GMDS: variants seen among roughly 807,000 people sequenced by gnomAD.
The protein encoded by GMDS is GDP-mannose 4,6-dehydratase.
In GMDS, 20 loss-of-function variants were observed where a neutral mutation model predicts 49.9. The ratio of observed to expected loss-of-function variants is 0.40; its 90% CI spans 0.28 to 0.58. GMDS has a LOEUF of 0.58. GMDS is among the 20% of genes least tolerant of loss of function. The probability of loss-of-function intolerance (pLI) is 0.42; values close to 1 mark genes in which losing one functional copy is unlikely to be tolerated. For missense variants in GMDS, 362 were observed against 481.4 expected (o/e 0.75, Z 2.32); for synonymous variants, 177 against 178.6 (o/e 0.99, Z 0.07).
intron 9 of GMDS, among the ~76,000 whole-genome samples, chr6:1,662,136 C>T (rs1013144212): frequency 5.3e-5 from 8 of 152,274 alleles, no homozygotes; most frequent in Middle Eastern, 6.8e-3. Context: ...TTCTCGGTGC[C>T]TTCTGTGTTC....
chr6:2,104,230 G>C (rs1465968120), intron 4 of GMDS, among the ~76,000 whole-genome samples: 2 of 152,182 alleles, frequency 1.3e-5, no homozygotes, highest in African/African-American at 4.8e-5. Context: ...TCATCTTACA[G>C]GAGTGGATGA....
intron 9 of GMDS, among the ~76,000 whole-genome samples, chr6:1,725,494 C>T (rs760944035): frequency 2.0e-5 from 3 of 151,898 alleles, no homozygotes; most frequent in Non-Finnish European, 4.4e-5. Flanking sequence ...TGCAATGGCG[C>T]GCGATCTCGG....
At chr6:1,944,508 A>AT (rs1185667657) in intron 6 of GMDS, among the ~76,000 whole-genome samples, 14 of 150,766 alleles carry the variant, frequency 9.3e-5, no homozygotes, top group East Asian at 5.9e-4. Context: ...GCGTCTAAAA[A>AT]AATATATATA....
intron 4 of GMDS, among the ~76,000 whole-genome samples, chr6:2,032,357 T>G (rs1316205437): frequency 6.6e-6 from 1 of 152,188 alleles, no homozygotes; most frequent in Non-Finnish European, 1.5e-5. Context: ...CCTATACAGC[T>G]GGAAATCTCA....
At chr6:2,223,696 T>C (rs72830184) in intron 1 of GMDS, among the ~76,000 whole-genome samples, 16,816 of 152,092 alleles carry the variant, frequency 0.11, 1,027 homozygotes, top group Middle Eastern at 0.23. Context: ...CCAAATGGAT[T>C]GTGGTCCTGC....
intron 7 of GMDS, among the ~76,000 whole-genome samples, chr6:1,906,615 G>C (rs1371048389): frequency 6.6e-6 from 1 of 152,098 alleles, no homozygotes; most frequent in Non-Finnish European, 1.5e-5. Flanking sequence ...ATTCTCAAGA[G>C]GTTAGTGGGG....
intron 6 of GMDS, among the ~76,000 whole-genome samples, chr6:1,935,088 T>C (rs529429863): frequency 2.6e-5 from 4 of 152,342 alleles, no homozygotes; most frequent in African/African-American, 9.6e-5. Context: ...AATACATACT[T>C]GATTTATAAA....
At position 1,896,625 on chromosome 6, in the gene GMDS, G is replaced by T. The variant is rs144274304; in HGVS notation, c.771+33478C>A. Among the ~76,000 whole-genome samples, 54 of 152,216 alleles carry T rather than the reference G, an allele frequency of 3.5e-4. No homozygotes were observed. The East Asian group carries it at 0.01, about 29-fold the overall frequency. ...ATGTGAGGCAGGACCCATGTGAGGCGGGAGCAGAGTCAGATCATGAAGGTG... is the reference window on the plus strand; with the variant it reads ...ATGTGAGGCAGGACCCATGTGAGGCTGGAGCAGAGTCAGATCATGAAGGTG... On this transcript the variant is annotated intron_variant, in intron 7 of 10. Transcript: ENST00000380815.
At chr6:1,655,867 C>G (rs1370147597) in intron 9 of GMDS, among the ~76,000 whole-genome samples, 1 of 152,182 alleles carries the variant, frequency 6.6e-6, no homozygotes, top group East Asian at 1.9e-4. Context: ...GGATACATTC[C>G]CAGATTCAAC....
intron 2 of GMDS, among the ~76,000 whole-genome samples, chr6:2,120,921 T>C (rs183012710): frequency 1.4e-4 from 21 of 152,324 alleles, no homozygotes; most frequent in Non-Finnish European, 8.8e-5. Flanking sequence ...TTAGACCCCA[T>C]GTCACTCTGC....
chr6:1,872,641 T>G (rs1407418611), intron 7 of GMDS, among the ~76,000 whole-genome samples: 2 of 152,258 alleles, frequency 1.3e-5, no homozygotes, highest in East Asian at 3.8e-4. Context: ...TGTGACAAAT[T>G]ATTTAACTCA....
At chr6:1,817,102 C>A (rs1653614554) in intron 7 of GMDS, among the ~76,000 whole-genome samples, 1 of 129,408 alleles carries the variant, frequency 7.7e-6, no homozygotes, top group South Asian at 2.6e-4. Context: ...TAATACATTG[C>A]TCCTTTACAC....
At chr6:1,842,157 A>C (rs1455769503) in intron 7 of GMDS, among the ~76,000 whole-genome samples, 1 of 151,772 alleles carries the variant, frequency 6.6e-6, no homozygotes, top group African/African-American at 2.4e-5. Context: ...TCTCCACCTC[A>C]CCTCTTCCTA....
At chr6:1,892,588 A>G (rs558888705) in intron 7 of GMDS, among the ~76,000 whole-genome samples, 29 of 152,154 alleles carry the variant, frequency 1.9e-4, no homozygotes, top group African/African-American at 6.5e-4. Flanking sequence ...CAAACTCCTG[A>G]CCTCAGGTGA....
chr6:1,853,252 C>A (rs1298597900), intron 7 of GMDS, among the ~76,000 whole-genome samples: 1 of 151,770 alleles, frequency 6.6e-6, no homozygotes, highest in Non-Finnish European at 1.5e-5. Flanking sequence ...GGCGCGGTGG[C>A]TCATGCCTGT....
intron 4 of GMDS, among the ~76,000 whole-genome samples, chr6:2,103,362 T>C (rs1329907373): frequency 6.6e-6 from 1 of 152,194 alleles, no homozygotes; most frequent in Non-Finnish European, 1.5e-5. Context: ...AGAAATAACG[T>C]TGCTGTCACA....
intron 9 of GMDS, among the ~76,000 whole-genome samples, chr6:1,726,071 G>C (rs1195306468): frequency 6.6e-6 from 1 of 152,222 alleles, no homozygotes; most frequent in East Asian, 1.9e-4. Context: ...GCAGGTCTGG[G>C]ACAGCGTTGT....
chr6:1,694,283 A>C (rs1765266457), intron 9 of GMDS, among the ~76,000 whole-genome samples: 1 of 152,242 alleles, frequency 6.6e-6, no homozygotes, highest in Non-Finnish European at 1.5e-5. Context: ...CGTTAATTTT[A>C]GGGTGGATCT....
intron 7 of GMDS, among the ~76,000 whole-genome samples, chr6:1,904,666 A>G (rs1760668011): frequency 6.6e-6 from 1 of 152,184 alleles, no homozygotes; most frequent in South Asian, 2.1e-4. Flanking sequence ...CTCCCACACC[A>G]GCAATGCGCA....
Sources: gnomAD v4.1 joint callset for allele counts (sites outside exome capture counted in the v4.1 genomes callset) on GRCh38, gnomAD v4.1.1 for gene constraint, MANE v1.5 for transcripts, NCBI Gene and HGNC (gene_info 2026-07-23, HGNC 2026-07-21) for gene names.